MCPH1: variants seen among roughly 807,000 people sequenced by gnomAD.
MCPH1 encodes microcephalin 1, also known as microcephalin.
A neutral mutation model predicts 84.5 loss-of-function variants in MCPH1; 104 were observed. The observed-to-expected ratio is 1.23, with a 90% CI of 1.05 to 1.45. The LOEUF is 1.45. Among genes scored for constraint, MCPH1 ranks in the 40% most tolerant of loss-of-function variants. MCPH1 has a pLI of 0.00. For missense variants in MCPH1, 1,498 were observed against 1,005.7 expected (o/e 1.49, Z -6.62); for synonymous variants, 514 against 366.8 (o/e 1.40, Z -4.58).
At chr8:6,486,436 C>T (rs989503894) in intron 11 of MCPH1, among the ~76,000 whole-genome samples, 1 of 152,064 alleles carries the variant, frequency 6.6e-6, no homozygotes, top group African/African-American at 2.4e-5. Flanking sequence ...GTTTTTATTT[C>T]AGGGTTTGTG....
intron 12 of MCPH1, among the ~76,000 whole-genome samples, chr8:6,607,533 C>T (rs965658989): frequency 3.9e-5 from 6 of 152,218 alleles, no homozygotes; most frequent in African/African-American, 1.4e-4. Context: ...AGAAATCTTT[C>T]CTTCCCTACT....
intron 12 of MCPH1, among the ~76,000 whole-genome samples, chr8:6,553,199 G>A (rs1415599336): frequency 6.6e-6 from 1 of 152,160 alleles, no homozygotes; most frequent in South Asian, 2.1e-4. Flanking sequence ...TGTGTGCCAC[G>A]GAGGGGGGAT....
At chr8:6,458,263 G>T (rs1339245225) in intron 9 of MCPH1, among the ~76,000 whole-genome samples, 1 of 152,088 alleles carries the variant, frequency 6.6e-6, no homozygotes, top group Non-Finnish European at 1.5e-5. Context: ...ATGAGGTCAG[G>T]AGATCAAGAC....
At chr8:6,472,379 T>G (rs546528458) in intron 9 of MCPH1, among the ~76,000 whole-genome samples, 1 of 152,372 alleles carries the variant, frequency 6.6e-6, no homozygotes, top group Admixed American at 6.5e-5. Context: ...ATCTCCTAAT[T>G]ATTTCAAGCA....
intron 13 of MCPH1, among the ~76,000 whole-genome samples, chr8:6,623,013 C>CT (rs1164226735): frequency 0.47 from 51,764 of 110,122 alleles, 13,321 homozygotes; most frequent in Non-Finnish European, 0.54. Flanking sequence ...GCTTTACTTT[C>CT]TTTTTTTTTT....
chr8:6,496,588 C>A (rs1404083664), intron 11 of MCPH1, among the ~76,000 whole-genome samples: 1 of 150,544 alleles, frequency 6.6e-6, no homozygotes, highest in Admixed American at 6.6e-5. Context: ...AGTACCACAA[C>A]TGCAGTTGAA....
At chr8:6,516,528 A>G (rs933527261) in intron 12 of MCPH1, among the ~76,000 whole-genome samples, 1 of 152,216 alleles carries the variant, frequency 6.6e-6, no homozygotes, top group Non-Finnish European at 1.5e-5. Flanking sequence ...ACACAGTTCC[A>G]AGTTTAAATC....
chr8:6,610,108 T>A (rs1830137072), intron 12 of MCPH1, among the ~76,000 whole-genome samples: 1 of 152,242 alleles, frequency 6.6e-6, no homozygotes, highest in Non-Finnish European at 1.5e-5. Context: ...CTATTTTTAC[T>A]GGCCTTGAGA....
In MCPH1 at chr8:6,587,808, A is replaced by T. The variant is rs117288440; in HGVS notation, c.2215-33646A>T. On this transcript the variant is annotated intron_variant, in intron 12 of 13. Transcript: ENST00000344683. ...GCACAGACATGGACTAAGTTAAAGGATGGTAAATTAGCAATGCCCAAAAGC... is the reference window on the plus strand; with the variant it reads ...GCACAGACATGGACTAAGTTAAAGGTTGGTAAATTAGCAATGCCCAAAAGC... 8.0e-4 allele frequency among the ~76,000 whole-genome samples: 122 copies of T among 152,312 alleles called. No homozygotes were observed. In the East Asian group the frequency reaches 0.021, roughly 26 times the overall value.
At chr8:6,623,009 C>T (rs1017832725) in intron 13 of MCPH1, among the ~76,000 whole-genome samples, 2 of 85,732 alleles carry the variant, frequency 2.3e-5, no homozygotes, top group South Asian at 4.0e-4. Flanking sequence ...CCCAGCTTTA[C>T]TTTCTTTTTT....
At chr8:6,437,762 C>T (rs540727328) in intron 5 of MCPH1, among the ~76,000 whole-genome samples, 10 of 152,298 alleles carry the variant, frequency 6.6e-5, no homozygotes, top group Admixed American at 2.6e-4. Context: ...TTCTTCCTGA[C>T]ACTAACCCCC....
At chr8:6,458,546 A>T (rs535110643) in intron 9 of MCPH1, among the ~76,000 whole-genome samples, 85 of 152,258 alleles carry the variant, frequency 5.6e-4, no homozygotes, top group African/African-American at 2.0e-3. Flanking sequence ...TAGGAGCGCA[A>T]ATTTGATAGC....
At chr8:6,610,977 T>C (rs1330907256) in intron 12 of MCPH1, among the ~76,000 whole-genome samples, 1 of 152,132 alleles carries the variant, frequency 6.6e-6, no homozygotes, top group Non-Finnish European at 1.5e-5. Flanking sequence ...GCTTGTCACC[T>C]CTACTCAGAT....
chr8:6,417,339 C>G (rs1253029088), intron 3 of MCPH1, among the ~76,000 whole-genome samples: 2 of 152,146 alleles, frequency 1.3e-5, no homozygotes, highest in Non-Finnish European at 2.9e-5. Context: ...GCTCAGCTCT[C>G]TTGTGGTGTG....
intron 12 of MCPH1, among the ~76,000 whole-genome samples, chr8:6,615,338 G>A (rs1830689333): frequency 6.6e-6 from 1 of 152,226 alleles, no homozygotes; most frequent in South Asian, 2.1e-4. Flanking sequence ...CTTCTAGGGT[G>A]TCCTGAGAAG....
intron 12 of MCPH1, chr8:6,503,397 G>A (rs1812592491): frequency 2.5e-6 from 2 of 808,196 alleles, no homozygotes; most frequent in Non-Finnish European, 4.0e-6. Flanking sequence ...GGTGAGTATA[G>A]GATGTGCACT....
intron 13 of MCPH1, among the ~76,000 whole-genome samples, chr8:6,636,553 C>T (rs765157402): frequency 6.6e-6 from 1 of 152,114 alleles, no homozygotes; most frequent in African/African-American, 2.4e-5. Flanking sequence ...GATCATAGCT[C>T]ATTGCAGCCT....
chr8:6,469,961 T>C (rs1807494928), intron 9 of MCPH1, among the ~76,000 whole-genome samples: 1 of 152,246 alleles, frequency 6.6e-6, no homozygotes, highest in Non-Finnish European at 1.5e-5. Flanking sequence ...ACCACCTTTT[T>C]CACGTTTGCT....
At chr8:6,572,734 A>C (rs1014427748) in intron 12 of MCPH1, among the ~76,000 whole-genome samples, 2 of 152,220 alleles carry the variant, frequency 1.3e-5, no homozygotes, top group African/African-American at 4.8e-5. Flanking sequence ...ATAAGGAGCC[A>C]ATTTAGAGAC....
Sources: allele counts gnomAD v4.1 joint callset (sites outside exome capture counted in the v4.1 genomes callset), GRCh38; gene constraint gnomAD v4.1.1; transcripts MANE v1.5; gene names NCBI Gene and HGNC (gene_info 2026-07-23, HGNC 2026-07-21).